Variants in NUP98 observed in about 807,000 individuals in gnomAD.
NUP98 encodes the protein nuclear pore complex protein Nup98-Nup96.
In NUP98, 26 loss-of-function variants were observed where a neutral mutation model predicts 191.9. The observed-to-expected ratio is 0.14, with a 90% confidence interval of 0.10 to 0.19. The LOEUF is 0.19. Among genes scored for constraint, NUP98 ranks in the 10% least tolerant of loss-of-function variants. NUP98 has a pLI of 1.00. For synonymous variants in NUP98, 808 were observed against 778.4 expected, an observed-to-expected ratio of 1.04 and a Z score of -0.63; for missense variants, 1,941 against 2,178.8, an observed-to-expected ratio of 0.89 and a Z score of 2.17.
rs1479318328 is a variant in NUP98, at chr11:3,676,521, G to A, written c.5173C>T (p.Leu1725=). 6.2e-7 allele frequency: 1 copy of A among 1,613,928 alleles called. No individual in the cohort carries two copies. The highest frequency in any genetic ancestry group is 8.5e-7 in the Non-Finnish European group (1 of 1,179,898). ...GTTAGAGGCTTACCTGACTGAGCCA[G>A]GCGATCTTTAGCACTGTAACACTGA... ...QIQCYSAKDR[L]AQSDMAKRVA... is the part of the protein sequence containing the mutation. The change falls in exon 32 of 33, where the codon CTG becomes TTG. Residue 1725 remains leucine, a synonymous_variant. Coordinates refer to ENST00000324932, the MANE Select transcript of NUP98 (RefSeq NM_016320.5).
intron 11 of NUP98, among the ~76,000 whole-genome samples, chr11:3,745,406 G>C (rs2080453718): frequency 6.6e-6 from 1 of 152,182 alleles, no homozygotes; most frequent in South Asian, 2.1e-4. Context: ...ACGAACCAGA[G>C]TGGTTGGACT....
Position 3,702,600 on chromosome 11 carries a change from T to C in NUP98, c.3375A>G (p.Ser1125=), listed in dbSNP as rs756680689. The C allele has an allele frequency of 4.2e-5, 67 of 1,613,934 alleles. No individual in the cohort carries two copies. The highest frequency in any genetic ancestry group is 5.5e-5 in the Non-Finnish European group (65 of 1,180,032). ...AGTTGGGGCCCCAACCAACACGAAA[T>C]GAGCGTCCCATGAATAGGGCCATGT... The part of the protein sequence containing the change: ...LMDMALFMGR[S]FRVGWGPNWT... The change falls in exon 23 of 33, where the codon TCA becomes TCG. Residue 1125 remains serine, a synonymous_variant. Transcript: ENST00000324932.
At chr11:3,762,867 AC>A in intron 9 of NUP98, 34 bp downstream of exon 9, 1 of 1,604,194 alleles carries the variant, frequency 6.2e-7, no homozygotes, top group Non-Finnish European at 8.5e-7. Flanking sequence ...AAATTTACAC[AC>A]ATCTTCAAAT....
chr11:3,688,753 C>T (rs2078207475), intron 28 of NUP98, among the ~76,000 whole-genome samples: 4 of 147,862 alleles, frequency 2.7e-5, no homozygotes, highest in Admixed American at 2.7e-4. Flanking sequence ...CAAGATCACG[C>T]CACTGCACTC....
Position 3,691,590 on chromosome 11 carries a change from G to A in NUP98, c.4312-101C>T, listed in dbSNP as rs2078312473. On this transcript the variant is annotated intron_variant, in intron 27 of 32. Coordinates refer to ENST00000324932, the MANE Select transcript of NUP98 (RefSeq NM_016320.5). ...TTTTTTTGAGAGGCAGTCTCACTCT[G>A]TCACCCAGGCTGGAGTGCAGTGGGA... The A allele has an allele frequency of 4.2e-6, 5 of 1,180,552 alleles. No individual in the cohort carries two copies. In the South Asian group the frequency reaches 5.9e-5, roughly 14 times the overall value. 73.1% of individuals were successfully genotyped at this position (1,180,552 alleles called of 1,614,324 possible).
chr11:3,733,474 G>C (rs2079922548), intron 13 of NUP98, among the ~76,000 whole-genome samples: 1 of 152,048 alleles, frequency 6.6e-6, no homozygotes, highest in Non-Finnish European at 1.5e-5. Context: ...ACCATGCCTG[G>C]CTAATTTTTT....
At chr11:3,688,039 A>G (rs1240695345) in intron 28 of NUP98, among the ~76,000 whole-genome samples, 2 of 152,158 alleles carry the variant, frequency 1.3e-5, no homozygotes, top group Non-Finnish European at 2.9e-5. Flanking sequence ...AAAGTTCTGG[A>G]GAGGGTGGTG....
chr11:3,696,760 A>C (rs1271779692), intron 25 of NUP98: 2 of 151,876 alleles, frequency 1.3e-5, no homozygotes, highest in Non-Finnish European at 2.9e-5. Flanking sequence ...TAGTGAGCCA[A>C]GATTATGCCA....
chr11:3,695,668 T>G (rs2078479931), intron 25 of NUP98, 62 bp from the exon 26 acceptor site: 1 of 1,172,402 alleles, frequency 8.5e-7, no homozygotes, highest in East Asian at 2.8e-5. Context: ...GTCAAACACT[T>G]GGGGGCATTA....
chr11:3,681,611 AT>A (rs140225747), intron 30 of NUP98, among the ~76,000 whole-genome samples: 13,981 of 149,088 alleles, frequency 0.094, 827 homozygotes, highest in Non-Finnish European at 0.14. Context: ...TTTGAAAGAA[AT>A]TTTTTTTTTT....
chr11:3,675,552 A>G lies in NUP98; in HGVS notation c.*607T>C, dbSNP rs2077781928. The G allele has an allele frequency of 4.3e-6, 1 of 234,236 alleles. No homozygotes were observed. The highest frequency in any genetic ancestry group is 2.2e-5 in the African/African-American group (1 of 45,266). 14.5% of individuals were successfully genotyped at this position (234,236 alleles called of 1,614,324 possible). On this transcript the variant is annotated 3_prime_UTR_variant, in exon 33 of 33. Coordinates refer to ENST00000324932, the MANE Select transcript of NUP98 (RefSeq NM_016320.5). ...ATGGAACTCTAAAGGCAGGAACAAA[A>G]ACAGCCCTGAAGATCAATCCCTCCG...
At chr11:3,779,074 A>C (rs1328778397) in intron 3 of NUP98, 25 bp from the exon 4 acceptor site, 1 of 1,614,004 alleles carries the variant, frequency 6.2e-7, no homozygotes. Flanking sequence ...AAGGAGGGAA[A>C]AAGTTAAGTA....
At chr11:3,730,487 G>C (rs541773277) in intron 14 of NUP98, among the ~76,000 whole-genome samples, 3 of 151,908 alleles carry the variant, frequency 2.0e-5, no homozygotes, top group South Asian at 4.2e-4. Context: ...CTCCCAAGCA[G>C]CTGGGATTAC....
intron 10 of NUP98, among the ~76,000 whole-genome samples, chr11:3,753,834 G>A (rs1243035560): frequency 6.9e-6 from 1 of 145,788 alleles, no homozygotes; most frequent in Non-Finnish European, 1.5e-5. Context: ...AGCTACTCGG[G>A]AGGCTAAGGT....
At chr11:3,685,927 C>T in intron 29 of NUP98, 46 bp downstream of exon 29, 2 of 1,457,660 alleles carry the variant, frequency 1.4e-6, no homozygotes, top group Non-Finnish European at 1.9e-6. Flanking sequence ...TGGAATTGCC[C>T]TGTAGTGCTA....
rs1371690656 is a variant in NUP98, at chr11:3,735,088, G to C, written c.1542+103C>G. On this transcript the variant is annotated intron_variant, in intron 13 of 32. Transcript: ENST00000324932. ...TATCTTAAAAAATTAATTACACCTA[G>C]CTTTGCTTAATCCCTTAATATATAC... 1.6e-5 allele frequency: 17 copies of C among 1,031,818 alleles called. No homozygotes were observed. The East Asian group carries it at 4.5e-4, about 27-fold the overall frequency. The allele number at this position is 1,031,818 out of a possible 1,614,324, so 63.9% of individuals were successfully genotyped here.
intron 1 of NUP98, among the ~76,000 whole-genome samples, chr11:3,796,971 G>A (rs1022429494): frequency 1.3e-5 from 2 of 152,224 alleles, no homozygotes; most frequent in Non-Finnish European, 2.9e-5. Context: ...TCCTCGGGGT[G>A]CCCACTTCCC....
intron 13 of NUP98, 41 bp from the exon 14 acceptor site, chr11:3,731,619 A>C: frequency 7.0e-7 from 1 of 1,429,922 alleles, no homozygotes. Context: ...GGTTTACTTT[A>C]AATGTACTGC....
At position 3,703,876 on chromosome 11, in the gene NUP98, T is replaced by C. The variant is rs566696076; in HGVS notation, c.3083-984A>G. ...TCTAGCTAGCTAGCTATTATAGGGA[T>C]GGAGTCTTGCTATGTTGCCCAGGCT... On this transcript the variant is annotated intron_variant, in intron 22 of 32. Transcript: ENST00000324932. Among the ~76,000 whole-genome samples, 6 of 152,274 alleles carry C rather than the reference T, an allele frequency of 3.9e-5. No individual in the cohort carries two copies. The South Asian group carries it at 1.2e-3, about 32-fold the overall frequency.
Sources: gnomAD v4.1 joint callset for allele counts (sites outside exome capture counted in the v4.1 genomes callset) on GRCh38, gnomAD v4.1.1 for gene constraint, MANE v1.5 for transcripts, NCBI Gene and HGNC (gene_info 2026-07-23, HGNC 2026-07-21) for gene names.